The following ADAMTS9 variants were observed in gnomAD, a reference collection of about 807,000 sequenced individuals.
ADAMTS9 encodes A disintegrin and metalloproteinase with thrombospondin motifs 9.
Under a neutral mutation model 257.1 loss-of-function variants are expected in ADAMTS9, and 107 were observed. The ratio of observed to expected loss-of-function variants is 0.42; its 90% CI spans 0.36 to 0.49. The LOEUF (loss-of-function observed/expected upper bound fraction) is 0.49. Ranked by LOEUF, ADAMTS9 falls within the 20% of genes least tolerant of loss-of-function variation. The probability of loss-of-function intolerance (pLI) is 0.03; values close to 1 mark genes in which losing one functional copy is unlikely to be tolerated. For synonymous variants in ADAMTS9, 982 were observed against 880.9 expected (o/e 1.11, Z -2.03); for missense variants, 2,353 against 2,469.1 (o/e 0.95, Z 1.00).
At chr3:64,617,413 G>A (rs1230233629) in intron 19 of ADAMTS9, among the ~76,000 whole-genome samples, 2 of 152,146 alleles carry the variant, frequency 1.3e-5, no homozygotes, top group Admixed American at 1.3e-4. Flanking sequence ...CCCAGAATCT[G>A]AGCAGAGAAT....
intron 26 of ADAMTS9, 89 bp from the exon 27 acceptor site, chr3:64,597,080 G>T: frequency 6.6e-7 from 1 of 1,522,704 alleles, no homozygotes; most frequent in Non-Finnish European, 8.9e-7. Flanking sequence ...AGACAAATGT[G>T]CTGAAAAGCA....
At chr3:64,637,373 A>C (rs994147664) in intron 12 of ADAMTS9, among the ~76,000 whole-genome samples, 7 of 152,226 alleles carry the variant, frequency 4.6e-5, no homozygotes, top group Admixed American at 6.5e-5. Context: ...TCCTTTTAAA[A>C]TATTGCATGT....
At chr3:64,682,354 T>TGTTA (rs762906830) in intron 2 of ADAMTS9, among the ~76,000 whole-genome samples, 50 of 152,382 alleles carry the variant, frequency 3.3e-4, no homozygotes, top group Non-Finnish European at 5.0e-4. Flanking sequence ...GTGTTGCCAG[T>TGTTA]GTTAGCCTCT....
chr3:64,575,978 T>C (rs1398683291), intron 28 of ADAMTS9, among the ~76,000 whole-genome samples: 2 of 152,194 alleles, frequency 1.3e-5, no homozygotes, highest in African/African-American at 4.8e-5. Context: ...GAGGCATTGA[T>C]AGGTAAAGGT....
chr3:64,561,602 A>T lies in ADAMTS9; in HGVS notation c.4674T>A (p.Thr1558=), dbSNP rs768081992. 6.2e-7 allele frequency: 1 copy of T among 1,613,314 alleles called. No homozygotes were observed. The highest frequency in any genetic ancestry group is 8.5e-7 in the Non-Finnish European group (1 of 1,179,770). The change falls in exon 30 of 40, where the codon ACT becomes ACA. Residue 1558 remains threonine (T), a synonymous_variant. Coordinates refer to ENST00000498707, the MANE Select transcript of ADAMTS9 (RefSeq NM_182920.2). ...CTTCTTGCCATTCCTCTGCCCTCCA[A>T]GTGTAGAGGGGACACCGTGGGCCTT... The part of the protein sequence containing the change: ...DCQGPRCPLY[T]WRAEEWQECT...
intron 3 of ADAMTS9, among the ~76,000 whole-genome samples, 161 bp downstream of exon 3, chr3:64,681,040 A>G (rs1472597662): frequency 1.3e-5 from 2 of 152,184 alleles, no homozygotes; most frequent in Non-Finnish European, 2.9e-5. Flanking sequence ...TAGTCTCCAC[A>G]TCTGTACAGT....
rs1397140442 is a variant in ADAMTS9, at chr3:64,622,329, T to C, written c.2557-2A>G. On this transcript the variant is annotated splice_acceptor_variant, in intron 17 of 39. Transcript: ENST00000498707. LOFTEE classifies it high-confidence loss of function. ...GTACAACTTTCCCACCGACAAAACC[T>C]AGAATGTGTGGACAAAACAGAAACG... 2 of 1,613,160 alleles carry C rather than the reference T, an allele frequency of 1.2e-6. No individual in the cohort carries two copies. Among genetic ancestry groups the C allele is most frequent in the African/African-American group, 2.7e-5 (2 of 74,708 alleles).
chr3:64,568,577 T>A (rs756483123), intron 28 of ADAMTS9, 42 bp from the exon 29 acceptor site: 1 of 1,602,332 alleles, frequency 6.2e-7, no homozygotes, highest in Admixed American at 1.8e-5. Context: ...TGTTTTTTAA[T>A]TACACGGAGT....
chr3:64,566,489 G>A (rs2083548711), intron 29 of ADAMTS9, among the ~76,000 whole-genome samples: 2 of 152,042 alleles, frequency 1.3e-5, no homozygotes, highest in African/African-American at 4.8e-5. Context: ...ATTCTGGGGA[G>A]GCATTCTGAT....
intron 38 of ADAMTS9, among the ~76,000 whole-genome samples, chr3:64,532,759 T>C (rs2082998977): frequency 6.6e-6 from 1 of 152,174 alleles, no homozygotes; most frequent in South Asian, 2.1e-4. Context: ...GTCTTCTAGC[T>C]CCATCTGTAT....
At chr3:64,604,670 T>C (rs895936257) in intron 23 of ADAMTS9, among the ~76,000 whole-genome samples, 2 of 152,212 alleles carry the variant, frequency 1.3e-5, no homozygotes, top group Non-Finnish European at 2.9e-5. Flanking sequence ...AAATCATTAG[T>C]TGTTAACGTT....
intron 30 of ADAMTS9, among the ~76,000 whole-genome samples, chr3:64,558,648 A>T (rs1263783730): frequency 6.6e-6 from 1 of 152,118 alleles, no homozygotes; most frequent in African/African-American, 2.4e-5. Flanking sequence ...CAAAAAGAGG[A>T]TGGTGCCATA....
At chr3:64,551,863 C>T (rs959456472) in intron 30 of ADAMTS9, among the ~76,000 whole-genome samples, 1 of 152,222 alleles carries the variant, frequency 6.6e-6, no homozygotes, top group Non-Finnish European at 1.5e-5. Context: ...CACAAGTAAT[C>T]TCCTTCAGCT....
intron 30 of ADAMTS9, 150 bp downstream of exon 30, chr3:64,561,428 T>A (rs1297115198): frequency 1.3e-6 from 1 of 742,712 alleles, no homozygotes; most frequent in Admixed American, 3.5e-5. Flanking sequence ...TTGGAGCGAA[T>A]GCGCGAGTCT....
intron 28 of ADAMTS9, among the ~76,000 whole-genome samples, chr3:64,593,593 G>A (rs934608134): frequency 2.6e-5 from 4 of 152,154 alleles, no homozygotes; most frequent in Non-Finnish European, 5.9e-5. Context: ...CATGTCAGCT[G>A]CTGGCTAAGC....
rs1186435457 is a variant in ADAMTS9 at position 64,607,031 on chromosome 3, T to C, written c.3403A>G (p.Ile1135Val). ...QGYQLRAVKC[I>V]IGTYMSVVDD... Reference sequence around the variant, plus strand: ...ACCACTGACATATAAGTCCCAATGATGCATTTCACTGCTCTTAGCTGGTAT... The same window carrying C: ...ACCACTGACATATAAGTCCCAATGACGCATTTCACTGCTCTTAGCTGGTAT... Residue 1135 changes from isoleucine (I) to valine (V), a missense_variant, in exon 23 of 40, where the codon ATC becomes GTC. This residue lies in a region of ADAMTS9 where 1,402 missense variants were observed against 1,441.4 expected (regional missense o/e 0.97). Transcript: ENST00000498707. 2 of 1,613,934 alleles carry C rather than the reference T, an allele frequency of 1.2e-6. No individual in the cohort carries two copies. The highest frequency in any genetic ancestry group is 1.7e-6 in the Non-Finnish European group (2 of 1,179,848).
At chr3:64,674,696 C>T (rs973702987) in intron 3 of ADAMTS9, among the ~76,000 whole-genome samples, 3 of 152,168 alleles carry the variant, frequency 2.0e-5, no homozygotes, top group African/African-American at 7.2e-5. Flanking sequence ...CACTGACTTG[C>T]TTGGGGCCCA....
Position 64,642,003 on chromosome 3 carries a change from A to G in ADAMTS9, c.1711-10T>C. On this transcript the variant is annotated splice_polypyrimidine_tract_variant and intron_variant, in intron 11 of 39. Transcript: ENST00000498707. ...ATCCATACTTGCAGTGCTGTATTTAATAAGGGGAATAGTGAGGGAGACTTG... is the reference window on the plus strand; with the variant it reads ...ATCCATACTTGCAGTGCTGTATTTAGTAAGGGGAATAGTGAGGGAGACTTG... The G allele has an allele frequency of 6.2e-7, 1 of 1,613,992 alleles. No individual in the cohort carries two copies. Among genetic ancestry groups the G allele is most frequent in the Non-Finnish European group, 8.5e-7 (1 of 1,179,906 alleles).
At chr3:64,679,291 T>G (rs1016199462) in intron 3 of ADAMTS9, among the ~76,000 whole-genome samples, 1 of 152,174 alleles carries the variant, frequency 6.6e-6, no homozygotes, top group South Asian at 2.1e-4. Context: ...GCCCCCTCTC[T>G]CTTTTCCACA....
Sources: gnomAD v4.1 joint callset for allele counts (sites outside exome capture counted in the v4.1 genomes callset) on GRCh38, gnomAD v4.1.1 for gene constraint, gnomAD v4.1.1 regional missense constraint, MANE v1.5 for transcripts, NCBI Gene and HGNC (gene_info 2026-07-23, HGNC 2026-07-21) for gene names.